The following MSMO1 variants were observed in gnomAD, a reference collection of about 807,000 sequenced individuals.
MSMO1 encodes C-4 methylsterol oxidase.
MSMO1 carries 18 observed loss-of-function variants against 30.4 expected under a neutral mutation model. That is an observed-to-expected ratio of 0.59 (90% confidence interval 0.41 to 0.88). The LOEUF (loss-of-function observed/expected upper bound fraction) is 0.88. Ranked by LOEUF, MSMO1 falls within the 40% of genes least tolerant of loss-of-function variation. The pLI is 0.00. For missense variants in MSMO1, 284 were observed against 340.5 expected, an observed-to-expected ratio of 0.83 and a Z score of 1.31; for synonymous variants, 84 against 107.9, an observed-to-expected ratio of 0.78 and a Z score of 1.37.
At chr4:165,334,680 G>T (rs1747492422) in intron 2 of MSMO1, among the ~76,000 whole-genome samples, 1 of 152,184 alleles carries the variant, frequency 6.6e-6, no homozygotes, top group South Asian at 2.1e-4. Flanking sequence ...TGAGAATTTG[G>T]AGTAGCTTAT....
chr4:165,338,492 T>C (rs1209756779), intron 3 of MSMO1, among the ~76,000 whole-genome samples, 160 bp from the exon 4 acceptor site: 1 of 152,144 alleles, frequency 6.6e-6, no homozygotes, highest in Non-Finnish European at 1.5e-5. Context: ...TAGCTGTATC[T>C]GGTGGTTTTG....
At position 165,333,546 on chromosome 4, in the gene MSMO1, A is replaced by G; in HGVS notation, c.176A>G (p.Glu59Gly). The G allele has an allele frequency of 6.2e-7, 1 of 1,612,464 alleles. No individual in the cohort carries two copies. Among genetic ancestry groups the G allele is most frequent in the Non-Finnish European group, 8.5e-7 (1 of 1,179,334 alleles). The change falls in exon 2 of 6, where the codon GAA (glutamate) becomes GGA (glycine). Residue 59 changes from glutamate (E) to glycine (G), a missense_variant. Coordinates refer to ENST00000261507, the MANE Select transcript of MSMO1 (RefSeq NM_006745.5). ...ACATGGGGATCCCTTATAGTTCATG[A>G]AGCCCTTTATTTCTTATTCTGTTTA... The part of the protein sequence containing the change: ...IATWGSLIVH[E>G]ALYFLFCLPG...
rs576093257 is a variant in MSMO1, at chr4:165,342,236, T to C, written c.*290T>C. ...AGGTTTTGGATACTAGAAGTATTAATCTATGGCTTTTCTCCCAGTAAAACC... is the reference window on the plus strand; with the variant it reads ...AGGTTTTGGATACTAGAAGTATTAACCTATGGCTTTTCTCCCAGTAAAACC... On this transcript the variant is annotated 3_prime_UTR_variant, in exon 6 of 6. Transcript: ENST00000261507. 30 of 291,202 alleles carry C rather than the reference T, an allele frequency of 1.0e-4. No individual in the cohort carries two copies. In the South Asian group the frequency reaches 1.2e-3, roughly 12 times the overall value. 18.0% of individuals were successfully genotyped at this position (291,202 alleles called of 1,614,324 possible).
intron 5 of MSMO1, 50 bp from the exon 6 acceptor site, chr4:165,341,700 AT>A: frequency 6.7e-7 from 1 of 1,487,854 alleles, no homozygotes. Context: ...AAAAACAACA[AT>A]CATTTGAGAT....
Position 165,342,923 on chromosome 4 carries a change from T to A in MSMO1, c.*977T>A, listed in dbSNP as rs1747755038. The A allele has an allele frequency of 6.6e-6, 1 of 152,660 alleles. No individual in the cohort carries two copies. Among genetic ancestry groups the A allele is most frequent in the Admixed American group, 6.5e-5 (1 of 15,284 alleles). 9.5% of individuals were successfully genotyped at this position (152,660 alleles called of 1,614,324 possible). A position where few individuals can be genotyped will look rare whatever the true frequency, so the allele number is the denominator to read the frequency against. ...GCTTTTCAAATTACTTGAATTTTTT[T>A]AAAAATTGAGGAGCTTTATTTCTAT... On this transcript the variant is annotated 3_prime_UTR_variant, in exon 6 of 6. Transcript: ENST00000261507.
intron 1 of MSMO1, among the ~76,000 whole-genome samples, chr4:165,328,592 T>C (rs1423347731): frequency 6.6e-6 from 1 of 152,176 alleles, no homozygotes; most frequent in Non-Finnish European, 1.5e-5. Context: ...ACAGCTAAAC[T>C]TCAAGGTTTC....
rs773347263 is a variant in MSMO1, at chr4:165,338,662, T to C, written c.415T>C (p.Leu139=). Residue 139 remains leucine (L), a synonymous_variant, in exon 4 of 6, where the codon TTG becomes CTG. Coordinates refer to ENST00000261507, the MANE Select transcript of MSMO1 (RefSeq NM_006745.5). Reference sequence around the variant, plus strand: ...ATTTTTATCTTAAAGGTATTTTCTTTTGGCAAGATGCTTTGGTTGTGCAGT... The same window carrying C: ...ATTTTTATCTTAAAGGTATTTTCTTCTGGCAAGATGCTTTGGTTGTGCAGT... ...WERMPRWYFL[L]ARCFGCAVIE... 2 of 1,609,924 alleles carry C rather than the reference T, an allele frequency of 1.2e-6. No individual in the cohort carries two copies. Among genetic ancestry groups the C allele is most frequent in the Non-Finnish European group, 1.7e-6 (2 of 1,176,290 alleles).
chr4:165,341,896 T>C lies in MSMO1; in HGVS notation c.832T>C (p.Tyr278His). Reference sequence around the variant, plus strand: ...TCGAATTTTTGGAACAGACTCTCAGTATAATGCCTATAATGAAAAGAGGAA... The same window carrying C: ...TCGAATTTTTGGAACAGACTCTCAGCATAATGCCTATAATGAAAAGAGGAA... ...WDRIFGTDSQ[Y>H]NAYNEKRKKF... The change falls in exon 6 of 6, where the codon TAT (tyrosine) becomes CAT (histidine). Residue 278 changes from tyrosine (Y) to histidine (H), a missense_variant. Physicochemically the swap from Tyr to His is moderately conservative, Grantham distance 83. Transcript: ENST00000261507. The C allele has an allele frequency of 6.2e-7, 1 of 1,612,974 alleles. No homozygotes were observed. The highest frequency in any genetic ancestry group is 8.5e-7 in the Non-Finnish European group (1 of 1,179,196).
At chr4:165,335,852 T>G (rs1056689104) in intron 2 of MSMO1, among the ~76,000 whole-genome samples, 1 of 152,202 alleles carries the variant, frequency 6.6e-6, no homozygotes, top group Non-Finnish European at 1.5e-5. Flanking sequence ...AAGTCCATGC[T>G]TTGAGCATTT....
chr4:165,339,846 T>C (rs1016565393), intron 4 of MSMO1, among the ~76,000 whole-genome samples: 3 of 152,212 alleles, frequency 2.0e-5, no homozygotes, highest in Non-Finnish European at 1.5e-5. Context: ...GTCTGAAATC[T>C]GTAAAGCAGG....
At chr4:165,328,944 A>C (rs898502622) in intron 1 of MSMO1, among the ~76,000 whole-genome samples, 1 of 152,192 alleles carries the variant, frequency 6.6e-6, no homozygotes, top group East Asian at 1.9e-4. Context: ...TGAGGAGCAC[A>C]TACTGAACCT....
chr4:165,334,616 G>T (rs1747490372), intron 2 of MSMO1, among the ~76,000 whole-genome samples: 1 of 152,178 alleles, frequency 6.6e-6, no homozygotes, highest in Non-Finnish European at 1.5e-5. Flanking sequence ...AATGTTGAGA[G>T]GTCGCTATGT....
At chr4:165,338,315 T>C (rs1747617026) in intron 3 of MSMO1, among the ~76,000 whole-genome samples, 1 of 131,396 alleles carries the variant, frequency 7.6e-6, no homozygotes. Flanking sequence ...TGTATATATA[T>C]ATATATATAT....
chr4:165,331,042 A>T (rs969021056), intron 1 of MSMO1, among the ~76,000 whole-genome samples: 1 of 152,162 alleles, frequency 6.6e-6, no homozygotes, highest in African/African-American at 2.4e-5. Context: ...AGTGGCTCAC[A>T]CCTATAATCC....
At chr4:165,338,841 G>A (rs1747635535) in intron 4 of MSMO1, 63 bp downstream of exon 4, 1 of 1,376,596 alleles carries the variant, frequency 7.3e-7, no homozygotes, top group African/African-American at 1.5e-5. Context: ...AATTGCCTGA[G>A]CATTTTTCTA....
Position 165,337,915 on chromosome 4 carries a change from G to C in MSMO1, c.382G>C (p.Asp128His). The change falls in exon 3 of 6, where the codon GAT becomes CAT. Residue 128 changes from aspartate (D) to histidine (H), a missense_variant. Coordinates refer to ENST00000261507, the MANE Select transcript of MSMO1 (RefSeq NM_006745.5). Reference protein sequence around the residue: ...YFTEYFNIPYDWERMPRWYFL... With the variant: ...YFTEYFNIPYHWERMPRWYFL... The stretch of plus-strand genomic sequence containing the variant: ...TACAGAGTATTTCAATATTCCTTAT[G>C]ATTGGGAAAGAATGCCAAGATGGTA... 6.2e-7 allele frequency: 1 copy of C among 1,613,456 alleles called. No individual in the cohort carries two copies. Among genetic ancestry groups the C allele is most frequent in the Non-Finnish European group, 8.5e-7 (1 of 1,179,720 alleles).
At chr4:165,331,966 T>C (rs1370728577) in intron 1 of MSMO1, among the ~76,000 whole-genome samples, 10 of 150,564 alleles carry the variant, frequency 6.6e-5, no homozygotes, top group African/African-American at 2.2e-4. Flanking sequence ...CCCTACCCCG[T>C]CGCCACTCTG....
chr4:165,336,421 GCTAA>G (rs1397514259), intron 2 of MSMO1, among the ~76,000 whole-genome samples: 18 of 152,224 alleles, frequency 1.2e-4, no homozygotes, highest in South Asian at 4.1e-4. Flanking sequence ...AATTTGTATT[GCTAA>G]CTGTCTTTGT....
At position 165,337,824 on chromosome 4, in the gene MSMO1, T is replaced by A; in HGVS notation, c.291T>A (p.Cys97Ter). 6.2e-7 allele frequency: 1 copy of A among 1,613,664 alleles called. No individual in the cohort carries two copies. The highest frequency in any genetic ancestry group is 8.5e-7 in the Non-Finnish European group (1 of 1,179,726). ...AGACATGGGAAAACCAATGGAAGTG[T>A]TTCAAAGTTCTTCTCTTTAATCACT... The part of the protein sequence containing the change: ...KPETWENQWK[C>*]FKVLLFNHFC... Residue 97 changes from cysteine (C) to a stop codon, truncating the protein, a stop_gained, in exon 3 of 6, where the codon TGT becomes TGA. Transcript: ENST00000261507. LOFTEE classifies it high-confidence loss of function.
Sources: allele counts gnomAD v4.1 joint callset (sites outside exome capture counted in the v4.1 genomes callset), GRCh38; gene constraint gnomAD v4.1.1; transcripts MANE v1.5; gene names NCBI Gene and HGNC (gene_info 2026-07-23, HGNC 2026-07-21).